SLC6A12: variants seen among roughly 807,000 people sequenced by gnomAD.
SLC6A12 encodes sodium- and chloride-dependent betaine transporter.
Under a neutral mutation model 73.3 loss-of-function variants are expected in SLC6A12, and 50 were observed. The observed-to-expected ratio is 0.68, with a 90% confidence interval of 0.54 to 0.86. The LOEUF (loss-of-function observed/expected upper bound fraction) is 0.86, where lower values mean the gene tolerates loss of function less well. SLC6A12 is among the 40% of genes least tolerant of loss of function. The pLI is 0.00. For synonymous variants in SLC6A12, 304 were observed against 309.2 expected, an observed-to-expected ratio of 0.98 and a Z score of 0.18; for missense variants, 648 against 772.8, an observed-to-expected ratio of 0.84 and a Z score of 1.92.
downstream of SLC6A12, among the ~76,000 whole-genome samples, chr12:187,634 A>C (rs558718972): frequency 5.8e-3 from 395 of 68,020 alleles, 15 homozygotes; most frequent in African/African-American, 0.019. Flanking sequence ...AAAAAAAACA[A>C]ACCACACACA....
Position 202,840 on chromosome 12 carries a change from A to G in SLC6A12, c.390T>C (p.Asn130=), listed in dbSNP as rs1940350101. 1.9e-6 allele frequency: 3 copies of G among 1,613,898 alleles called. No homozygotes were observed. The highest frequency in any genetic ancestry group is 1.3e-5 in the African/African-American group (1 of 74,904). The change falls in exon 5 of 16, where the codon AAT becomes AAC. Residue 130 remains asparagine, a synonymous_variant. Transcript: ENST00000684302. The part of the protein sequence containing the change: ...LASVVIESYL[N]VYYIIILAWA... ...AGGCAAGGATGATGATGTAGTAGAC[A>G]TTCAAATATGACTCGATGACCACAG...
Position 197,521 on chromosome 12 carries a change from G to T in SLC6A12, c.951-20C>A. The stretch of plus-strand genomic sequence containing the variant: ...CAGTCCCTGTGGGAGTGGGGCAAGG[G>T]CAGACAGGAACGGGGAGGAAAAGAG... On this transcript the variant is annotated intron_variant, in intron 9 of 15. Coordinates refer to ENST00000684302, the MANE Select transcript of SLC6A12 (RefSeq NM_001122848.3). 1 of 1,607,786 alleles carries T rather than the reference G, an allele frequency of 6.2e-7. No homozygotes were observed. Among genetic ancestry groups the T allele is most frequent in the East Asian group, 2.2e-5 (1 of 44,778 alleles).
chr12:213,677 C>T lies in SLC6A12; in HGVS notation c.-143+245G>A, dbSNP rs1333235898. The T allele has an allele frequency of 6.5e-6, 1 of 152,742 alleles. No homozygotes were observed. Among genetic ancestry groups the T allele is most frequent in the African/African-American group, 2.4e-5 (1 of 41,478 alleles). 9.5% of individuals were successfully genotyped at this position (152,742 alleles called of 1,614,324 possible). On this transcript the variant is annotated intron_variant, in intron 1 of 15. Coordinates refer to ENST00000684302, the MANE Select transcript of SLC6A12 (RefSeq NM_001122848.3). This position sits in a 1 kb window ranked among gnomAD's most constrained non-coding sequence, Gnocchi z 5.3. ...ACCAGCTGCCCATCGCTGGACTTTCCTGCTCCACAGGCTAATCACTGAGCT... is the reference window on the plus strand; with the variant it reads ...ACCAGCTGCCCATCGCTGGACTTTCTTGCTCCACAGGCTAATCACTGAGCT...
downstream of SLC6A12, among the ~76,000 whole-genome samples, chr12:186,500 G>C (rs1939430231): frequency 6.6e-6 from 1 of 152,230 alleles, no homozygotes; most frequent in African/African-American, 2.4e-5. Context: ...GGCATTTCTG[G>C]CTCAGTGCCT....
At chr12:197,654 A>AAGAGAGC (rs1565469690) in intron 9 of SLC6A12, among the ~76,000 whole-genome samples, 153 bp from the exon 10 acceptor site, 2 of 152,058 alleles carry the variant, frequency 1.3e-5, no homozygotes, top group Non-Finnish European at 2.9e-5. Context: ...GGAGGAAGGG[A>AAGAGAGC]AGAGAGCATG....
At chr12:200,981 T>C (rs1331097244) in intron 6 of SLC6A12, among the ~76,000 whole-genome samples, 198 bp from the exon 7 acceptor site, 2 of 152,202 alleles carry the variant, frequency 1.3e-5, no homozygotes, top group African/African-American at 2.4e-5. Flanking sequence ...TATCTTTATC[T>C]TTCTAACTCA....
intron 6 of SLC6A12, chr12:201,279 A>G: frequency 5.1e-6 from 1 of 194,342 alleles, no homozygotes; most frequent in Non-Finnish European, 1.1e-5. Flanking sequence ...GTGGGAATGC[A>G]GGTGGACGAG....
At chr12:196,628 C>A (rs1939881307) in intron 11 of SLC6A12, 142 bp downstream of exon 11, 2 of 677,098 alleles carry the variant, frequency 3.0e-6, no homozygotes, top group Admixed American at 2.4e-5. Context: ...ACACCCCCAA[C>A]CCCAAGGAAA....
intron 15 of SLC6A12, among the ~76,000 whole-genome samples, chr12:192,054 G>A (rs1939624132): frequency 6.6e-6 from 1 of 152,318 alleles, no homozygotes. Flanking sequence ...TGTGTCCCCA[G>A]GCAGAGTTAA....
intron 3 of SLC6A12, among the ~76,000 whole-genome samples, chr12:206,055 T>C (rs1303481104): frequency 6.6e-6 from 1 of 152,228 alleles, no homozygotes; most frequent in Non-Finnish European, 1.5e-5. Flanking sequence ...GCACTTTTTT[T>C]CTCTTTGTGT....
At position 197,438 on chromosome 12, in the gene SLC6A12, G is replaced by A; in HGVS notation, c.1014C>T (p.Phe338=). ...ATSFVAGFVV[F]SILGFMSQEQ... is the part of the protein sequence containing the mutation. ...CTTGGGACATGAAGCCCAGGATGGA[G>A]AAGACAACAAACCCAGCCACAAAGC... is the stretch of plus-strand genomic sequence containing the variant. The change falls in exon 10 of 16, where the codon TTC becomes TTT. Residue 338 remains phenylalanine (F), a synonymous_variant. Transcript: ENST00000684302. 6.2e-7 allele frequency: 1 copy of A among 1,613,996 alleles called. No homozygotes were observed. Among genetic ancestry groups the A allele is most frequent in the Non-Finnish European group, 8.5e-7 (1 of 1,179,950 alleles).
At chr12:187,558 G>C (rs1308643160), downstream of SLC6A12, among the ~76,000 whole-genome samples, 3 of 123,162 alleles carry the variant, frequency 2.4e-5, no homozygotes, top group Non-Finnish European at 4.9e-5. Flanking sequence ...GACCCAAACA[G>C]TGAGCAGCAG....
At position 197,452 on chromosome 12, in the gene SLC6A12, C is replaced by T. The variant is rs1399556656; in HGVS notation, c.1000G>A (p.Gly334Arg). 2.5e-6 allele frequency: 4 copies of T among 1,613,974 alleles called. No homozygotes were observed. The highest frequency in any genetic ancestry group is 3.4e-6 in the Non-Finnish European group (4 of 1,179,944). Residue 334 changes from glycine (G) to arginine (R), a missense_variant, in exon 10 of 16, where the codon GGG becomes AGG. Gly to Arg is a moderately radical substitution (Grantham distance 125, BLOSUM62 -2). Transcript: ENST00000684302. Reference sequence around the variant, plus strand: ...CCCAGGATGGAGAAGACAACAAACCCAGCCACAAAGCTGGTGGCACTGTTC... The same window carrying T: ...CCCAGGATGGAGAAGACAACAAACCTAGCCACAAAGCTGGTGGCACTGTTC... ...FLNSATSFVAGFVVFSILGFM... is the reference protein window; with the variant it reads ...FLNSATSFVARFVVFSILGFM...
At chr12:197,158 C>CATCT (rs1565469088) in intron 10 of SLC6A12, among the ~76,000 whole-genome samples, 783 of 44,450 alleles carry the variant, frequency 0.018, 46 homozygotes, top group Admixed American at 0.026. Context: ...TCCATCCATC[C>CATCT]ATCCATCCAT....
chr12:200,699 C>A lies in SLC6A12; in HGVS notation c.663G>T (p.Trp221Cys), dbSNP rs1429110394. 6.2e-7 allele frequency: 1 copy of A among 1,614,134 alleles called. No individual in the cohort carries two copies. Among genetic ancestry groups the A allele is most frequent in the East Asian group, 2.2e-5 (1 of 44,864 alleles). The stretch of plus-strand genomic sequence containing the variant: ...TCCAGATGCAGAAATAGCAGATGAC[C>A]CAGGCGAGCAGGAGGCACAGGGCCA... ...WELALCLLLAWVICYFCIWKG... is the reference protein window; with the variant it reads ...WELALCLLLACVICYFCIWKG... The change falls in exon 7 of 16, where the codon TGG becomes TGT. Residue 221 changes from tryptophan to cysteine, a missense_variant. Trp to Cys is a radical substitution (Grantham distance 215). Coordinates refer to ENST00000684302, the MANE Select transcript of SLC6A12 (RefSeq NM_001122848.3).
chr12:196,797 C>T lies in SLC6A12; in HGVS notation c.1161G>A (p.Met387Ile). 14 of 1,613,598 alleles carry T rather than the reference C, an allele frequency of 8.7e-6. No homozygotes were observed. The highest frequency in any genetic ancestry group is 1.2e-5 in the Non-Finnish European group (14 of 1,179,686). The change falls in exon 11 of 16, where the codon ATG (methionine) becomes ATA (isoleucine). Residue 387 changes from methionine to isoleucine, a missense_variant. Met to Ile is a conservative substitution (Grantham distance 10, BLOSUM62 1). Transcript: ENST00000684302. ...GGCTGTCCAGCCCTAGGAATATGAG[C>T]ATGATAAAGAACAGGCAGGACCACA... ...SQLWSCLFFI[M>I]LIFLGLDSQF...
chr12:186,535 A>T (rs1324140253), downstream of SLC6A12, among the ~76,000 whole-genome samples: 1 of 152,198 alleles, frequency 6.6e-6, no homozygotes. Flanking sequence ...TCCCTGTGTC[A>T]GCCAGGGCTG....
chr12:205,306 G>A (rs1940573492), intron 3 of SLC6A12, among the ~76,000 whole-genome samples: 1 of 152,168 alleles, frequency 6.6e-6, no homozygotes, highest in South Asian at 2.1e-4. Context: ...ACCCACTTCA[G>A]TAGGAGTCAC....
At chr12:201,572 G>A (rs965481233) in intron 6 of SLC6A12, 190 bp downstream of exon 6, 54 of 587,224 alleles carry the variant, frequency 9.2e-5, no homozygotes, top group Middle Eastern at 4.1e-4. Flanking sequence ...GTGAGTCTCC[G>A]TGGACCCGTG....
Sources: allele counts gnomAD v4.1 joint callset (sites outside exome capture counted in the v4.1 genomes callset), GRCh38; gene constraint gnomAD v4.1.1; non-coding constraint Gnocchi (gnomAD v3.1); transcripts MANE v1.5; gene names NCBI Gene and HGNC (gene_info 2026-07-23, HGNC 2026-07-21).